The following SEMA3A variants were observed in gnomAD, a reference collection of about 807,000 sequenced individuals.
SEMA3A encodes the protein semaphorin 3A.
Under a neutral mutation model 97.9 loss-of-function variants are expected in SEMA3A, and 29 were observed. The ratio of observed to expected loss-of-function variants is 0.30; its 90% confidence interval spans 0.22 to 0.40. SEMA3A has a LOEUF of 0.40. SEMA3A is among the 10% of genes least tolerant of loss of function. The pLI, the probability that SEMA3A is intolerant of heterozygous loss-of-function variation, is 1.00. For synonymous variants in SEMA3A, 321 were observed against 323.7 expected, an observed-to-expected ratio of 0.99 and a Z score of 0.09; for missense variants, 763 against 951.3, an observed-to-expected ratio of 0.80 and a Z score of 2.60.
chr7:84,370,318 A>G (rs530454926), intron 2 of SEMA3A, among the ~76,000 whole-genome samples: 1 of 151,816 alleles, frequency 6.6e-6, no homozygotes, highest in African/African-American at 2.4e-5. Context: ...TGCACCACGC[A>G]TGTTTCATAG....
At chr7:84,074,535 T>G (rs2115768017) in intron 4 of SEMA3A, among the ~76,000 whole-genome samples, 1 of 152,224 alleles carries the variant, frequency 6.6e-6, no homozygotes, top group Non-Finnish European at 1.5e-5. Flanking sequence ...AATTTCACCT[T>G]TCCCTTCAAT....
intron 6 of SEMA3A, among the ~76,000 whole-genome samples, chr7:84,043,586 C>G (rs1792228118): frequency 6.6e-6 from 1 of 151,996 alleles, no homozygotes; most frequent in Non-Finnish European, 1.5e-5. Flanking sequence ...ATGCTGATGC[C>G]TCAAAACTCA....
At chr7:84,163,538 G>A (rs573978576) in intron 1 of SEMA3A, among the ~76,000 whole-genome samples, 6 of 152,142 alleles carry the variant, frequency 3.9e-5, no homozygotes, top group South Asian at 2.1e-4. Context: ...TATCAACGAC[G>A]CATAGAAATA....
intron 6 of SEMA3A, among the ~76,000 whole-genome samples, chr7:84,028,605 A>T (rs201942741): frequency 1.5e-5 from 2 of 132,948 alleles, no homozygotes; most frequent in Non-Finnish European, 1.6e-5. Flanking sequence ...TTGTTTGTTT[A>T]ATTTATTTAT....
intron 1 of SEMA3A, among the ~76,000 whole-genome samples, chr7:84,142,946 A>C (rs992416247): frequency 6.6e-6 from 1 of 151,930 alleles, no homozygotes; most frequent in Admixed American, 6.6e-5. Context: ...TGTAAGTATC[A>C]ATCATTACAG....
intron 4 of SEMA3A, among the ~76,000 whole-genome samples, chr7:84,062,110 T>A (rs1348660228): frequency 6.6e-6 from 1 of 152,168 alleles, no homozygotes; most frequent in East Asian, 1.9e-4. Flanking sequence ...AGCAGCAAAA[T>A]TTTAAAAATG....
intron 1 of SEMA3A, among the ~76,000 whole-genome samples, chr7:84,411,198 G>T (rs1241946505): frequency 7.2e-5 from 11 of 151,964 alleles, no homozygotes; most frequent in Non-Finnish European, 5.9e-5. Context: ...TTGATTTCTG[G>T]ACTAGGAAAA....
At chr7:84,294,585 T>C (rs1471701312) in intron 3 of SEMA3A, among the ~76,000 whole-genome samples, 1 of 152,052 alleles carries the variant, frequency 6.6e-6, no homozygotes, top group African/African-American at 2.4e-5. Flanking sequence ...CTTAACATAT[T>C]TCATTGAAAA....
chr7:84,234,257 C>A (rs901348229), intron 3 of SEMA3A, among the ~76,000 whole-genome samples: 4 of 151,904 alleles, frequency 2.6e-5, no homozygotes, highest in African/African-American at 9.7e-5. Context: ...AGAATAAAGT[C>A]CCCACTTTCT....
chr7:84,096,848 C>A (rs1432510727), intron 4 of SEMA3A, among the ~76,000 whole-genome samples: 1 of 146,180 alleles, frequency 6.8e-6, no homozygotes, highest in East Asian at 2.0e-4. Flanking sequence ...ATACATTTTT[C>A]CCATTCTGTT....
chr7:84,115,457 C>CA (rs3839787), intron 3 of SEMA3A, among the ~76,000 whole-genome samples: 110,126 of 151,964 alleles, frequency 0.72, 40,370 homozygotes, highest in East Asian at 0.91. Flanking sequence ...TGATTATACA[C>CA]TAGGCACTAT....
chr7:83,983,819 C>A (rs1464557352), intron 13 of SEMA3A, among the ~76,000 whole-genome samples: 1 of 152,134 alleles, frequency 6.6e-6, no homozygotes, highest in Non-Finnish European at 1.5e-5. Flanking sequence ...CAGGCTTTCT[C>A]ACTATCCTCC....
intron 1 of SEMA3A, among the ~76,000 whole-genome samples, chr7:84,151,032 T>A (rs573968975): frequency 5.4e-5 from 8 of 147,154 alleles, no homozygotes; most frequent in Non-Finnish European, 1.2e-4. Context: ...TGAGGGTCCT[T>A]TCTGTTAGAA....
intron 12 of SEMA3A, among the ~76,000 whole-genome samples, chr7:83,992,843 G>C (rs1790023389): frequency 6.6e-6 from 1 of 152,050 alleles, no homozygotes; most frequent in African/African-American, 2.4e-5. Flanking sequence ...TCCGCTTGGT[G>C]CAGAGCTGAG....
At chr7:84,318,680 A>T (rs1033691935) in intron 2 of SEMA3A, among the ~76,000 whole-genome samples, 1 of 152,162 alleles carries the variant, frequency 6.6e-6, no homozygotes, top group African/African-American at 2.4e-5. Context: ...ATCAGTGGGC[A>T]TAAAAAGCCT....
At chr7:84,008,497 A>AG (rs1320341548) in intron 9 of SEMA3A, among the ~76,000 whole-genome samples, 1 of 147,668 alleles carries the variant, frequency 6.8e-6, no homozygotes, top group African/African-American at 2.5e-5. Context: ...TCTCAAAAAA[A>AG]AAAAAAAAAA....
At position 84,378,000 on chromosome 7, in the gene SEMA3A, C is replaced by T. The variant is rs566699610; in HGVS notation, c.-245-6100G>A. Among the ~76,000 whole-genome samples the T allele has an allele frequency of 3.3e-5, 5 of 152,208 alleles. No homozygotes were observed. The East Asian group carries it at 7.8e-4, about 24-fold the overall frequency. On this transcript the variant is annotated intron_variant, in intron 1 of 3. Transcript: ENST00000424555. ...GGGATACAATTTATACTTGTCCCCT[C>T]GGGTTCATCTGATCACCTATCTCAA...
At chr7:84,158,300 G>A (rs1048907927) in intron 1 of SEMA3A, among the ~76,000 whole-genome samples, 11 of 151,682 alleles carry the variant, frequency 7.3e-5, no homozygotes, top group Middle Eastern at 3.4e-3. Context: ...GACTACAGGC[G>A]CACACCACCA....
chr7:84,303,360 TA>T (rs201543365), intron 3 of SEMA3A, among the ~76,000 whole-genome samples: 1 of 151,806 alleles, frequency 6.6e-6, no homozygotes, highest in Non-Finnish European at 1.5e-5. Flanking sequence ...TCTCTTTTTT[TA>T]AAAAAAATGT....
Sources: gnomAD v4.1 joint callset for allele counts (sites outside exome capture counted in the v4.1 genomes callset) on GRCh38, gnomAD v4.1.1 for gene constraint, MANE v1.5 for transcripts, NCBI Gene and HGNC (gene_info 2026-07-23, HGNC 2026-07-21) for gene names.